Variants in EXOC1 observed in about 807,000 individuals in gnomAD.
EXOC1 encodes exocyst complex component 1.
Under a neutral mutation model 107.7 loss-of-function variants are expected in EXOC1, and 67 were observed. The observed-to-expected ratio is 0.62, with a 90% CI of 0.51 to 0.76. The LOEUF is 0.76. Ranked by LOEUF, EXOC1 falls within the 30% of genes least tolerant of loss-of-function variation. The pLI is 0.00. For missense variants in EXOC1, 833 were observed against 1,055.7 expected, an observed-to-expected ratio of 0.79 and a Z score of 2.92; for synonymous variants, 348 against 353.5, an observed-to-expected ratio of 0.98 and a Z score of 0.17.
chr4:55,863,802 A>C (rs1264259897), intron 3 of EXOC1, among the ~76,000 whole-genome samples: 1 of 152,214 alleles, frequency 6.6e-6, no homozygotes, highest in Non-Finnish European at 1.5e-5. Flanking sequence ...AGTCCTTATT[A>C]GGGAGTTAGT....
At chr4:55,855,023 T>G (rs1720830572) in intron 1 of EXOC1, among the ~76,000 whole-genome samples, 1 of 152,174 alleles carries the variant, frequency 6.6e-6, no homozygotes, top group Non-Finnish European at 1.5e-5. Flanking sequence ...AACCATGAAG[T>G]GTAATTAGGG....
chr4:55,876,785 A>G (rs1441912413), intron 8 of EXOC1: 5 of 984,658 alleles, frequency 5.1e-6, no homozygotes, highest in Non-Finnish European at 6.0e-6. Context: ...CTACCATTTT[A>G]TATGTAATTT....
intron 5 of EXOC1, among the ~76,000 whole-genome samples, chr4:55,870,153 A>G (rs1235775345): frequency 6.6e-6 from 1 of 152,208 alleles, no homozygotes; most frequent in Non-Finnish European, 1.5e-5. Context: ...TTCCCATCAT[A>G]CTACAGTTAT....
At chr4:55,901,206 G>A (rs1725868452) in intron 17 of EXOC1, among the ~76,000 whole-genome samples, 1 of 152,272 alleles carries the variant, frequency 6.6e-6, no homozygotes, top group South Asian at 2.1e-4. Context: ...ATCACCACCT[G>A]TATATGATAT....
intron 3 of EXOC1, among the ~76,000 whole-genome samples, chr4:55,861,424 G>T (rs1721466814): frequency 6.6e-6 from 1 of 152,106 alleles, no homozygotes; most frequent in Non-Finnish European, 1.5e-5. Flanking sequence ...CAAAAAAACT[G>T]CCTGTGTAAA....
At chr4:55,870,069 A>G (rs1369677735) in intron 5 of EXOC1, among the ~76,000 whole-genome samples, 1 of 152,122 alleles carries the variant, frequency 6.6e-6, no homozygotes, top group Non-Finnish European at 1.5e-5. Context: ...GAAAAAAAAA[A>G]CAGTTGAAAG....
chr4:55,887,736 A>AG (rs1387508709), intron 10 of EXOC1, among the ~76,000 whole-genome samples: 1 of 152,032 alleles, frequency 6.6e-6, no homozygotes, highest in African/African-American at 2.4e-5. Flanking sequence ...AAAAAAAAAA[A>AG]AAAAAGGAAA....
chr4:55,857,174 T>C (rs946898230), intron 1 of EXOC1, among the ~76,000 whole-genome samples: 22 of 111,476 alleles, frequency 2.0e-4, no homozygotes, highest in African/African-American at 4.6e-4. Flanking sequence ...TTTTCTTTTT[T>C]TTTTTTTTTT....
rs988128039 is a variant in EXOC1, at chr4:55,871,134, G to C, written c.865G>C (p.Ala289Pro). ...HMDLAKGHIK[A>P]LQEGDLASSR... ...GGACTTGGCCAAAGGTCATATAAAG[G>C]CCCTTCAGGAAGGAGATCTTGCTTC... is the stretch of plus-strand genomic sequence containing the variant. The change falls in exon 7 of 19, where the codon GCC (alanine) becomes CCC (proline). Residue 289 changes from alanine (A) to proline (P), a missense_variant. By Grantham distance (27) the Ala-to-Pro change is conservative. This residue lies in a region of EXOC1 where 617 missense variants were observed against 701.3 expected (regional missense o/e 0.88). Transcript: ENST00000381295. 20 of 1,613,720 alleles carry C rather than the reference G, an allele frequency of 1.2e-5. No individual in the cohort carries two copies. In the Admixed American group the frequency reaches 3.3e-4, roughly 27 times the overall value.
intron 8 of EXOC1, among the ~76,000 whole-genome samples, chr4:55,875,324 A>G (rs551634957): frequency 8.1e-4 from 123 of 152,286 alleles, no homozygotes; most frequent in Non-Finnish European, 1.5e-3. Flanking sequence ...TGTGATTAAG[A>G]TCTATTTTTG....
At chr4:55,866,957 T>C in intron 4 of EXOC1, 1 of 909,076 alleles carries the variant, frequency 1.1e-6, no homozygotes, top group Non-Finnish European at 1.3e-6. Flanking sequence ...TATATACCGT[T>C]GGTTGTATGT....
Position 55,904,491 on chromosome 4 carries a change from A to G in EXOC1, c.2681A>G (p.His894Arg). ...LDYCSSIAQS[H>R] ...TATTGTTCCAGCATTGCACAGTCCCACTAAACCTTGTGAAAGAAGAAAAGA... is the reference window on the plus strand; with the variant it reads ...TATTGTTCCAGCATTGCACAGTCCCGCTAAACCTTGTGAAAGAAGAAAAGA... Residue 894 changes from histidine (H) to arginine (R), a missense_variant, in exon 19 of 19, where the codon CAC (histidine) becomes CGC (arginine). By Grantham distance (29) the His-to-Arg change is conservative. Around this residue, in one of 2 missense-constraint regions of EXOC1, gnomAD observed 216 missense variants for 354.4 expected, o/e 0.61. Transcript: ENST00000381295. 3 of 1,606,028 alleles carry G rather than the reference A, an allele frequency of 1.9e-6. No homozygotes were observed. Among genetic ancestry groups the G allele is most frequent in the Non-Finnish European group, 2.6e-6 (3 of 1,176,374 alleles).
At position 55,871,147 on chromosome 4, in the gene EXOC1, G is replaced by A. The variant is rs1298699745; in HGVS notation, c.878G>A (p.Gly293Glu). 1 of 1,613,890 alleles carries A rather than the reference G, an allele frequency of 6.2e-7. No homozygotes were observed. Among genetic ancestry groups the A allele is most frequent in the Non-Finnish European group, 8.5e-7 (1 of 1,179,896 alleles). ...AKGHIKALQE[G>E]DLASSRGIEA... ...GGTCATATAAAGGCCCTTCAGGAAG[G>A]AGATCTTGCTTCTTCCAGAGGCATT... is the stretch of plus-strand genomic sequence containing the variant. Residue 293 changes from glycine (G) to glutamate (E), a missense_variant, in exon 7 of 19, where the codon GGA becomes GAA. This residue lies in a region of EXOC1 where 617 missense variants were observed against 701.3 expected (regional missense o/e 0.88). Transcript: ENST00000381295.
intron 17 of EXOC1, among the ~76,000 whole-genome samples, chr4:55,900,910 C>T (rs2109511072): frequency 6.6e-6 from 1 of 152,178 alleles, no homozygotes; most frequent in South Asian, 2.1e-4. Flanking sequence ...TATGTATCTG[C>T]TGTCAACAAT....
At chr4:55,894,653 G>A (rs977143355) in intron 15 of EXOC1, among the ~76,000 whole-genome samples, 30 of 92,750 alleles carry the variant, frequency 3.2e-4, no homozygotes, top group African/African-American at 8.1e-4. Context: ...ATGGAGTCTC[G>A]TTCTTGTTGC....
rs190291739 is a variant in EXOC1, at chr4:55,882,196, A to C, written c.1225-1627A>C. Among the ~76,000 whole-genome samples, 11 of 152,216 alleles carry C rather than the reference A, an allele frequency of 7.2e-5. No homozygotes were observed. The East Asian group carries it at 7.7e-4, about 11-fold the overall frequency. On this transcript the variant is annotated intron_variant, in intron 9 of 18. Coordinates refer to ENST00000381295, the MANE Select transcript of EXOC1 (RefSeq NM_001024924.2). The stretch of plus-strand genomic sequence containing the variant: ...CACTCTGACACCCAGGCTGGAATGC[A>C]GTGATGTGATCACAGCTCACTGCAG...
chr4:55,875,803 A>C, intron 8 of EXOC1: 2 of 984,860 alleles, frequency 2.0e-6, no homozygotes, highest in Non-Finnish European at 2.4e-6. Flanking sequence ...AGTGGCTCAC[A>C]CCTGTAATTC....
intron 15 of EXOC1, 54 bp from the exon 16 acceptor site, chr4:55,896,663 G>A: frequency 2.9e-6 from 4 of 1,386,224 alleles, no homozygotes; most frequent in Non-Finnish European, 3.9e-6. Flanking sequence ...ATGATTATAT[G>A]TAGTTTTAAA....
chr4:55,874,134 A>T (rs1722682651), intron 8 of EXOC1, among the ~76,000 whole-genome samples: 1 of 152,156 alleles, frequency 6.6e-6, no homozygotes, highest in African/African-American at 2.4e-5. Flanking sequence ...GGAATTGCAG[A>T]TAAGGTAGGA....
Sources: allele counts gnomAD v4.1 joint callset (sites outside exome capture counted in the v4.1 genomes callset), GRCh38; gene constraint gnomAD v4.1.1; regional missense constraint gnomAD v4.1.1; transcripts MANE v1.5; gene names NCBI Gene and HGNC (gene_info 2026-07-23, HGNC 2026-07-21).